The following SDK1 variants were observed in gnomAD, a reference collection of about 807,000 sequenced individuals.
SDK1 encodes the protein protein sidekick-1.
SDK1 carries 157 observed loss-of-function variants against 245.5 expected under a neutral mutation model. That is an observed-to-expected ratio of 0.64 (90% CI 0.56 to 0.73). SDK1 has a LOEUF of 0.73. Among genes scored for constraint, SDK1 ranks in the 30% least tolerant of loss-of-function variants. SDK1 has a pLI of 0.00. For missense variants in SDK1, 3,583 were observed against 3,002.3 expected (o/e 1.19, Z -4.52); for synonymous variants, 1,647 against 1,278.5 (o/e 1.29, Z -6.15).
At position 4,267,172 on chromosome 7, in the gene SDK1, T is replaced by C; in HGVS notation, c.*1788T>C. On this transcript the variant is annotated 3_prime_UTR_variant, in exon 45 of 45. Coordinates refer to ENST00000404826, the MANE Select transcript of SDK1 (RefSeq NM_152744.4). ...AGGGTATGGCAAGTTTCCTTTTTTC[T>C]CTCCTCCCTTCCTTCCCCTCCTTCC... 1 of 981,744 alleles carries C rather than the reference T, an allele frequency of 1.0e-6. No individual in the cohort carries two copies. The highest frequency in any genetic ancestry group is 1.2e-6 in the Non-Finnish European group (1 of 826,938). 60.8% of individuals were successfully genotyped at this position (981,744 alleles called of 1,614,324 possible). A position where few individuals can be genotyped will look rare whatever the true frequency, so the allele number is the denominator to read the frequency against.
At chr7:3,350,906 C>G (rs1312830193) in intron 1 of SDK1, among the ~76,000 whole-genome samples, 1 of 152,124 alleles carries the variant, frequency 6.6e-6, no homozygotes, top group Non-Finnish European at 1.5e-5. Flanking sequence ...TTGGCTTTAA[C>G]TGGTTTATAT....
chr7:4,171,032 G>A, intron 32 of SDK1, among the ~76,000 whole-genome samples: 1 of 152,180 alleles, frequency 6.6e-6, no homozygotes, highest in East Asian at 1.9e-4. Context: ...TTTTCTGCCA[G>A]CTTTCAGCTT....
chr7:3,839,093 T>G (rs1780095037), intron 5 of SDK1, among the ~76,000 whole-genome samples: 2 of 152,126 alleles, frequency 1.3e-5, no homozygotes, highest in African/African-American at 4.8e-5. Context: ...CATCCTCCAT[T>G]TCCATGTGTA....
At chr7:3,303,332 T>C (rs1779331791) in intron 1 of SDK1, among the ~76,000 whole-genome samples, 1 of 152,216 alleles carries the variant, frequency 6.6e-6, no homozygotes, top group South Asian at 2.1e-4. Context: ...TATTAAGTTT[T>C]CTTTTTTTAA....
rs189262843 is a variant in SDK1 at position 3,442,888 on chromosome 7, G to T, written c.298+141004G>T. Among the ~76,000 whole-genome samples, 641 of 152,022 alleles carry T rather than the reference G, an allele frequency of 4.2e-3. 6 individuals carry two copies. The highest frequency in any genetic ancestry group is 0.018 in the South Asian group (86 of 4,818). On this transcript the variant is annotated intron_variant, in intron 1 of 44. Coordinates refer to ENST00000404826, the MANE Select transcript of SDK1 (RefSeq NM_152744.4). ...GTGTTCTGTCTCTTCCATTCCCTCC[G>T]AACACTTTTGATCTTTTCGTTTTGC...
intron 22 of SDK1, among the ~76,000 whole-genome samples, chr7:4,087,029 CAA>C (rs34730685): frequency 1.7e-4 from 20 of 119,386 alleles, no homozygotes; most frequent in Admixed American, 1.8e-4. Context: ...TTTTGCCATG[CAA>C]AAAAAAAAAA....
At chr7:4,074,856 T>TACTCTCTCTCTCTCTCTC (rs1486926440) in intron 20 of SDK1, among the ~76,000 whole-genome samples, 1 of 72,338 alleles carries the variant, frequency 1.4e-5, no homozygotes, top group Non-Finnish European at 2.5e-5. Context: ...GAGCAAGACT[T>TACTCTCTCTCTCTCTCTC]TCTCTCTCTC....
chr7:4,128,036 T>C (rs1041149756), intron 26 of SDK1, among the ~76,000 whole-genome samples: 1 of 152,144 alleles, frequency 6.6e-6, no homozygotes, highest in African/African-American at 2.4e-5. Context: ...TGGGGAGCCA[T>C]TTCTGGGTTC....
intron 2 of SDK1, among the ~76,000 whole-genome samples, chr7:3,620,925 G>A (rs1781919063): frequency 6.6e-6 from 1 of 152,146 alleles, no homozygotes; most frequent in South Asian, 2.1e-4. Context: ...GTTTATCATA[G>A]TAGATCATAG....
chr7:3,593,094 A>G (rs1303554483), intron 1 of SDK1, among the ~76,000 whole-genome samples: 1 of 152,232 alleles, frequency 6.6e-6, no homozygotes, highest in Non-Finnish European at 1.5e-5. Flanking sequence ...AATGGGGAAC[A>G]TATTTAACTT....
chr7:3,418,749 A>G (rs978126371), intron 1 of SDK1, among the ~76,000 whole-genome samples: 4 of 152,192 alleles, frequency 2.6e-5, no homozygotes, highest in Non-Finnish European at 5.9e-5. Flanking sequence ...TCTACTTTTG[A>G]AAATTAACAA....
Position 4,233,852 on chromosome 7 carries a change from C to T in SDK1, c.5992+433C>T, listed in dbSNP as rs540058176. 6.6e-5 allele frequency among the ~76,000 whole-genome samples: 10 copies of T among 152,264 alleles called. No homozygotes were observed. The South Asian group carries it at 2.1e-3, about 32-fold the overall frequency. On this transcript the variant is annotated intron_variant, in intron 41 of 44. Coordinates refer to ENST00000404826, the MANE Select transcript of SDK1 (RefSeq NM_152744.4). ...TCCCCCAGCACCACCAGCAAGGCCC[C>T]TTATGGGCTTTGTGTCCACGCTGTG... is the stretch of plus-strand genomic sequence containing the variant.
chr7:3,935,385 A>G (rs1780121207), intron 5 of SDK1, among the ~76,000 whole-genome samples: 1 of 152,232 alleles, frequency 6.6e-6, no homozygotes, highest in Admixed American at 6.5e-5. Context: ...CAAAAGAAAA[A>G]ATCAAAATTG....
chr7:3,425,512 T>C (rs1451886537), intron 1 of SDK1, among the ~76,000 whole-genome samples: 3 of 152,246 alleles, frequency 2.0e-5, no homozygotes, highest in Admixed American at 6.5e-5. Context: ...TTCTGTTAGA[T>C]ACTTTAGAAT....
intron 1 of SDK1, among the ~76,000 whole-genome samples, chr7:3,604,464 C>T (rs143100615): frequency 6.6e-6 from 1 of 152,184 alleles, no homozygotes; most frequent in Non-Finnish European, 1.5e-5. Flanking sequence ...CATTTTAGTG[C>T]TATACATTTT....
intron 19 of SDK1, among the ~76,000 whole-genome samples, chr7:4,061,665 A>G (rs910625952): frequency 2.0e-5 from 3 of 152,176 alleles, no homozygotes; most frequent in African/African-American, 7.2e-5. Context: ...TCATGCTGCT[A>G]TAAAGACATA....
chr7:3,469,073 T>C (rs1781101051), intron 1 of SDK1, among the ~76,000 whole-genome samples: 1 of 152,184 alleles, frequency 6.6e-6, no homozygotes, highest in African/African-American at 2.4e-5. Flanking sequence ...TTTATTTATT[T>C]ATTTTTAGAG....
chr7:4,010,908 C>CT, intron 14 of SDK1, 58 bp from the exon 15 acceptor site: 2 of 1,580,966 alleles, frequency 1.3e-6, no homozygotes, highest in Non-Finnish European at 1.7e-6. Flanking sequence ...GCATTCACCT[C>CT]TTATTATTCA....
intron 17 of SDK1, among the ~76,000 whole-genome samples, chr7:4,019,510 A>T (rs1018180051): frequency 9.2e-5 from 14 of 152,084 alleles, no homozygotes; most frequent in African/African-American, 3.4e-4. Context: ...TGGATGGGGA[A>T]ATTACTAAAT....
Sources: gnomAD v4.1 joint callset for allele counts (sites outside exome capture counted in the v4.1 genomes callset) on GRCh38, gnomAD v4.1.1 for gene constraint, MANE v1.5 for transcripts, NCBI Gene and HGNC (gene_info 2026-07-23, HGNC 2026-07-21) for gene names.